Variants in CLPSL1 observed in about 807,000 individuals in gnomAD.
CLPSL1 encodes the protein colipase like 1.
CLPSL1 carries 13 observed loss-of-function variants against 9.3 expected under a neutral mutation model. That is an observed-to-expected ratio of 1.40 (90% CI 0.91 to 2.22). The LOEUF is 2.22. Among genes scored for constraint, CLPSL1 ranks in the 30% most tolerant of loss-of-function variants. The probability of loss-of-function intolerance (pLI) is 0.00; values close to 1 mark genes in which losing one functional copy is unlikely to be tolerated. For synonymous variants in CLPSL1, 58 were observed against 56.9 expected, an observed-to-expected ratio of 1.02 and a Z score of -0.08; for missense variants, 164 against 146.6, an observed-to-expected ratio of 1.12 and a Z score of -0.61.
In CLPSL1 at chr6:35,787,085, G is replaced by C. The variant is rs773849344; in HGVS notation, c.187G>C (p.Glu63Gln). The C allele has an allele frequency of 1.2e-6, 2 of 1,610,706 alleles. No homozygotes were observed. Among genetic ancestry groups the C allele is most frequent in the East Asian group, 4.5e-5 (2 of 44,722 alleles). ...AGACAATTGCGAGTCGCACTGCGCG[G>C]AGAAGGGGTCCGAGGGCAGTCTGTG... ...APDNCESHCA[E>Q]KGSEGSLCQT... The change falls in exon 2 of 3, where the codon GAG (glutamate) becomes CAG (glutamine). Residue 63 changes from glutamate (E) to glutamine (Q), a missense_variant. By Grantham distance (29) the Glu-to-Gln change is conservative. Transcript: ENST00000373861.
chr6:35,785,487 A>AT (rs1476348347), intron 1 of CLPSL1, among the ~76,000 whole-genome samples: 1 of 151,822 alleles, frequency 6.6e-6, no homozygotes, highest in Admixed American at 6.6e-5. Context: ...CTGTCCCCGG[A>AT]AATTCATACT....
At position 35,781,047 on chromosome 6, in the gene CLPSL1, C is replaced by T; in HGVS notation, c.-64C>T. ...TGGTGTTCCCACAGCTGGGAGGACA[C>T]CCACATGGTCGGCGTGCAGGATATT... On this transcript the variant is annotated 5_prime_UTR_variant, in exon 1 of 3. Coordinates refer to ENST00000373861, the MANE Select transcript of CLPSL1 (RefSeq NM_001010886.5). 6.3e-7 allele frequency: 1 copy of T among 1,595,486 alleles called. No individual in the cohort carries two copies. Among genetic ancestry groups the T allele is most frequent in the Admixed American group, 1.7e-5 (1 of 58,684 alleles).
At chr6:35,791,706 G>A (rs900653094), downstream of CLPSL1, among the ~76,000 whole-genome samples, 26 of 152,168 alleles carry the variant, frequency 1.7e-4, no homozygotes, top group African/African-American at 5.1e-4. Context: ...TGAGGTGGGC[G>A]GATTGCTTGA....
intron 1 of CLPSL1, among the ~76,000 whole-genome samples, chr6:35,784,197 G>A (rs1171987515): frequency 6.6e-6 from 1 of 152,154 alleles, no homozygotes; most frequent in Non-Finnish European, 1.5e-5. Flanking sequence ...TTCCATTCCA[G>A]GTCATAGGTA....
At chr6:35,792,085 TC>T (rs1235269190), downstream of CLPSL1, among the ~76,000 whole-genome samples, 1 of 139,990 alleles carries the variant, frequency 7.1e-6, no homozygotes, top group Non-Finnish European at 1.6e-5. Flanking sequence ...GACTCCATCT[TC>T]CCCCCGCCAC....
intron 1 of CLPSL1, among the ~76,000 whole-genome samples, chr6:35,784,709 G>A (rs1019707879): frequency 2.0e-5 from 3 of 152,156 alleles, no homozygotes; most frequent in Non-Finnish European, 4.4e-5. Context: ...AGACCAACCT[G>A]GGCAACAAAG....
intron 1 of CLPSL1, among the ~76,000 whole-genome samples, chr6:35,781,448 T>C (rs746676382): frequency 5.3e-5 from 8 of 152,150 alleles, no homozygotes; most frequent in Admixed American, 1.3e-4. Context: ...CCCCTGCCCA[T>C]GCGCACATGT....
downstream of CLPSL1, among the ~76,000 whole-genome samples, chr6:35,791,260 G>A (rs1415799258): frequency 2.0e-5 from 3 of 152,254 alleles, no homozygotes; most frequent in Non-Finnish European, 4.4e-5. Context: ...CTTGACTTAC[G>A]ATGGGGCTAC....
intron 1 of CLPSL1, among the ~76,000 whole-genome samples, chr6:35,782,591 C>T (rs796746037): frequency 2.6e-5 from 4 of 152,292 alleles, no homozygotes; most frequent in East Asian, 1.9e-4. Context: ...GGGAGGCAGC[C>T]GGGCAAAGAG....
At chr6:35,789,802 G>A (rs1339146328), downstream of CLPSL1, among the ~76,000 whole-genome samples, 2 of 152,198 alleles carry the variant, frequency 1.3e-5, no homozygotes, top group Non-Finnish European at 2.9e-5. Context: ...GCTGAGGTGG[G>A]AGAATCACTT....
Position 35,787,033 on chromosome 6 carries a change from C to G in CLPSL1, c.135C>G (p.Cys45Trp), listed in dbSNP as rs1182955433. ...LKESCIRNQDCETGCCQRAPD... is the reference protein window; with the variant it reads ...LKESCIRNQDWETGCCQRAPD... ...AGTCTTGCATCCGGAACCAGGACTG[C>G]GAGACTGGCTGCTGCCAACGTGCTC... The change falls in exon 2 of 3, where the codon TGC (cysteine) becomes TGG (tryptophan). Residue 45 changes from cysteine (C) to tryptophan (W), a missense_variant. Transcript: ENST00000373861. The G allele has an allele frequency of 1.3e-6, 2 of 1,594,244 alleles. No homozygotes were observed. Among genetic ancestry groups the G allele is most frequent in the Non-Finnish European group, 1.7e-6 (2 of 1,172,294 alleles).
downstream of CLPSL1, among the ~76,000 whole-genome samples, chr6:35,791,737 T>TGAAA (rs1768214433): frequency 6.6e-6 from 1 of 151,998 alleles, no homozygotes; most frequent in Admixed American, 6.5e-5. Context: ...TTAAGACCAG[T>TGAAA]GTGGGCATCA....
exon 2 of CLPSL1, chr6:35,793,620 T>C: frequency 2.1e-6 from 1 of 468,388 alleles, no homozygotes; most frequent in East Asian, 7.0e-5. Context: ...CAGCACTTCC[T>C]GTGTCTTTGC....
downstream of CLPSL1, among the ~76,000 whole-genome samples, chr6:35,792,108 A>AATAAATAAATAAATAAATAC (rs1768232073): frequency 6.6e-6 from 1 of 152,046 alleles, no homozygotes; most frequent in African/African-American, 2.4e-5. Flanking sequence ...AAAATAAATA[A>AATAAATAAATAAATAAATAC]ATAAATAAAT....
At chr6:35,784,659 G>T (rs191300688) in intron 1 of CLPSL1, among the ~76,000 whole-genome samples, 22 of 152,298 alleles carry the variant, frequency 1.4e-4, no homozygotes, top group Admixed American at 1.2e-3. Flanking sequence ...CAACATTTTG[G>T]GAGGCCAAGG....
At chr6:35,790,623 T>C (rs552354283), downstream of CLPSL1, among the ~76,000 whole-genome samples, 1 of 152,378 alleles carries the variant, frequency 6.6e-6, no homozygotes, top group Non-Finnish European at 1.5e-5. Flanking sequence ...AAAGTAATTT[T>C]TAGGAAAGAT....
chr6:35,792,009 C>T (rs975575539), downstream of CLPSL1, among the ~76,000 whole-genome samples: 51 of 151,674 alleles, frequency 3.4e-4, no homozygotes, highest in African/African-American at 1.1e-3. Context: ...TTGCTTGAAC[C>T]TGGGAGGCAG....
chr6:35,781,127 G>A lies in CLPSL1; in HGVS notation c.17G>A (p.Trp6Ter). Residue 6 changes from tryptophan (W) to a stop codon, truncating the protein, a stop_gained, in exon 1 of 3, where the codon TGG becomes TAG. Coordinates refer to ENST00000373861, the MANE Select transcript of CLPSL1 (RefSeq NM_001010886.5). LOFTEE classifies it high-confidence loss of function. MMLPQ[W>*]LLLLFLLFFF... ...CTGTGGGCCATGATGCTACCCCAAT[G>A]GCTGCTGCTGCTGTTCCTTCTCTTC... 1 of 1,613,534 alleles carries A rather than the reference G, an allele frequency of 6.2e-7. No homozygotes were observed. The highest frequency in any genetic ancestry group is 8.5e-7 in the Non-Finnish European group (1 of 1,179,668).
At chr6:35,789,363 A>G (rs999272858), downstream of CLPSL1, among the ~76,000 whole-genome samples, 1 of 152,280 alleles carries the variant, frequency 6.6e-6, no homozygotes, top group Non-Finnish European at 1.5e-5. Context: ...TTTTCAATAA[A>G]TGGTGTTGGG....
Sources: gnomAD v4.1 joint callset for allele counts (sites outside exome capture counted in the v4.1 genomes callset) on GRCh38, gnomAD v4.1.1 for gene constraint, MANE v1.5 for transcripts, NCBI Gene and HGNC (gene_info 2026-07-23, HGNC 2026-07-21) for gene names.